Variants in OPCML observed in about 807,000 individuals in gnomAD.
OPCML encodes the protein opioid binding protein/cell adhesion molecule like.
Under a neutral mutation model 37.8 loss-of-function variants are expected in OPCML, and 13 were observed. The observed-to-expected ratio is 0.34, with a 90% CI of 0.22 to 0.55. The LOEUF is 0.55. Ranked by LOEUF, OPCML falls within the 20% of genes least tolerant of loss-of-function variation. OPCML has a pLI of 0.91. For synonymous variants in OPCML, 176 were observed against 168.8 expected (o/e 1.04, Z -0.33); for missense variants, 341 against 435.6 (o/e 0.78, Z 1.93).
intron 2 of OPCML, among the ~76,000 whole-genome samples, chr11:132,864,290 T>C (rs989879479): frequency 2.6e-5 from 4 of 152,176 alleles, no homozygotes; most frequent in African/African-American, 9.7e-5. Flanking sequence ...TTTGTGTACC[T>C]GTTCTCCAAT....
At chr11:132,726,504 C>A (rs988153167) in intron 2 of OPCML, among the ~76,000 whole-genome samples, 1 of 93,910 alleles carries the variant, frequency 1.1e-5, no homozygotes, top group African/African-American at 3.9e-5. Flanking sequence ...CAAACCATAT[C>A]AACATTTTTT....
At chr11:133,080,317 C>T (rs1487713046) in intron 1 of OPCML, among the ~76,000 whole-genome samples, 1 of 152,112 alleles carries the variant, frequency 6.6e-6, no homozygotes, top group Non-Finnish European at 1.5e-5. Context: ...ATGCCTGGAA[C>T]TTTTGATTTT....
intron 4 of OPCML, among the ~76,000 whole-genome samples, chr11:132,514,873 G>A (rs750079812): frequency 6.6e-6 from 1 of 152,074 alleles, no homozygotes; most frequent in Non-Finnish European, 1.5e-5. Flanking sequence ...TACAAAAGTG[G>A]CTCAGATCTT....
In OPCML at chr11:133,518,618, T is replaced by A. The variant is rs113813569; in HGVS notation, c.61+13646A>T. Among the ~76,000 whole-genome samples the A allele has an allele frequency of 1.0e-4, 15 of 147,540 alleles. 1 individual carries two copies. Among genetic ancestry groups the A allele is most frequent in the Non-Finnish European group, 1.9e-4 (13 of 66,982 alleles). On this transcript the variant is annotated intron_variant, in intron 1 of 7. Coordinates refer to ENST00000524381, the MANE Select transcript of OPCML (RefSeq NM_001012393.5). ...TGCTGGTGTGTGTGGGGCTGTGGCG[T>A]GGGCAGTGGCAGGTGCTGGTGTGTG...
intron 3 of OPCML, among the ~76,000 whole-genome samples, chr11:132,603,034 A>G (rs1565701898): frequency 6.6e-6 from 1 of 152,038 alleles, no homozygotes; most frequent in African/African-American, 2.4e-5. Flanking sequence ...CGTTTTCCTC[A>G]TTTCTACAAA....
chr11:133,013,052 C>G (rs1421750311), intron 1 of OPCML, among the ~76,000 whole-genome samples: 3 of 152,120 alleles, frequency 2.0e-5, no homozygotes, highest in East Asian at 3.9e-4. Context: ...CCCCCTCATT[C>G]TGCAACAAGA....
chr11:132,689,392 T>C (rs766584987), intron 2 of OPCML, among the ~76,000 whole-genome samples: 1 of 152,176 alleles, frequency 6.6e-6, no homozygotes, highest in African/African-American at 2.4e-5. Flanking sequence ...GGTTTTGTTC[T>C]GAGGAATAGG....
chr11:132,960,753 A>G (rs1427330391), intron 1 of OPCML, among the ~76,000 whole-genome samples: 2 of 152,098 alleles, frequency 1.3e-5, no homozygotes, highest in African/African-American at 4.8e-5. Flanking sequence ...CCCTTTGGCA[A>G]TGTGCGCATT....
At chr11:133,378,930 T>C (rs544863623) in intron 1 of OPCML, among the ~76,000 whole-genome samples, 1 of 152,052 alleles carries the variant, frequency 6.6e-6, no homozygotes, top group South Asian at 2.1e-4. Flanking sequence ...ATTTTTATTT[T>C]ATTTTTGTAG....
At position 132,525,314 on chromosome 11, in the gene OPCML, T is replaced by C. The variant is rs140807944; in HGVS notation, c.505+3747A>G. 8.5e-3 allele frequency among the ~76,000 whole-genome samples: 1,294 copies of C among 152,344 alleles called. 9 individuals carry two copies. Among genetic ancestry groups the C allele is most frequent in the Non-Finnish European group, 0.013 (878 of 68,032 alleles). On this transcript the variant is annotated intron_variant, in intron 4 of 7. Coordinates refer to ENST00000524381, the MANE Select transcript of OPCML (RefSeq NM_001012393.5). ...TTGCCATCTTAAACTGTAAGTGTGATTGTTACTATTTTTAATTTTTAATAA... is the reference window on the plus strand; with the variant it reads ...TTGCCATCTTAAACTGTAAGTGTGACTGTTACTATTTTTAATTTTTAATAA...
chr11:133,496,148 G>A (rs1321929990), intron 1 of OPCML, among the ~76,000 whole-genome samples: 17 of 152,068 alleles, frequency 1.1e-4, no homozygotes, highest in Non-Finnish European at 1.5e-5. Context: ...CATCATTTGT[G>A]GAAAAGGGTG....
At chr11:133,246,073 C>G (rs1940912336) in intron 1 of OPCML, among the ~76,000 whole-genome samples, 1 of 151,928 alleles carries the variant, frequency 6.6e-6, no homozygotes, top group Admixed American at 6.6e-5. Flanking sequence ...ACATGTATAC[C>G]TATGTAAAAA....
Position 132,456,336 on chromosome 11 carries a change from C to T in OPCML, c.506-18977G>A, listed in dbSNP as rs138071851. ...GTCCAAGACCTTGAGAATTAAATAG[C>T]TCATAATTCTAATAAATGTTAGAGG... On this transcript the variant is annotated intron_variant, in intron 4 of 7. Transcript: ENST00000524381. 2.1e-3 allele frequency among the ~76,000 whole-genome samples: 319 copies of T among 152,288 alleles called. 1 individual carries two copies. The highest frequency in any genetic ancestry group is 6.7e-3 in the African/African-American group (277 of 41,550).
intron 2 of OPCML, among the ~76,000 whole-genome samples, chr11:132,734,362 G>A (rs867912959): frequency 6.6e-6 from 1 of 152,168 alleles, no homozygotes; most frequent in South Asian, 2.1e-4. Flanking sequence ...AGGCGTTGCA[G>A]TTTCCACCTT....
intron 1 of OPCML, among the ~76,000 whole-genome samples, chr11:133,098,562 C>T (rs1949038770): frequency 6.6e-6 from 1 of 152,112 alleles, no homozygotes; most frequent in Non-Finnish European, 1.5e-5. Context: ...ATCACATCAA[C>T]AGACTAAAGC....
At chr11:132,461,894 A>G (rs2096103301) in intron 4 of OPCML, among the ~76,000 whole-genome samples, 1 of 152,158 alleles carries the variant, frequency 6.6e-6, no homozygotes, top group East Asian at 1.9e-4. Context: ...CGAGAACAGC[A>G]TGAGGGTAAC....
At chr11:132,850,296 G>T (rs146932055) in intron 2 of OPCML, among the ~76,000 whole-genome samples, 9 of 152,208 alleles carry the variant, frequency 5.9e-5, no homozygotes, top group African/African-American at 1.9e-4. Flanking sequence ...CCAATCAGGC[G>T]CCATGTAACA....
rs1029961753 is a variant in OPCML, at chr11:133,208,565, T to C, written c.62-265555A>G. The stretch of plus-strand genomic sequence containing the variant: ...TTCCAATGCTGGCTATCCACATATG[T>C]GTATTAGTGAAGTTGAAGCAGGAAA... On this transcript the variant is annotated intron_variant, in intron 1 of 7. Coordinates refer to ENST00000524381, the MANE Select transcript of OPCML (RefSeq NM_001012393.5). The surrounding 1 kb of genome is among the most constrained non-coding windows in gnomAD (Gnocchi z 8.9). Among the ~76,000 whole-genome samples the C allele has an allele frequency of 2.0e-5, 3 of 152,188 alleles. No homozygotes were observed. Among genetic ancestry groups the C allele is most frequent in the African/African-American group, 7.2e-5 (3 of 41,440 alleles).
At chr11:133,053,113 C>T (rs1158280505) in intron 1 of OPCML, among the ~76,000 whole-genome samples, 1 of 152,194 alleles carries the variant, frequency 6.6e-6, no homozygotes, top group African/African-American at 2.4e-5. Context: ...TATGACACAT[C>T]TTGGTTGGAC....
Sources: allele counts gnomAD v4.1 joint callset (sites outside exome capture counted in the v4.1 genomes callset), GRCh38; gene constraint gnomAD v4.1.1; non-coding constraint Gnocchi (gnomAD v3.1); transcripts MANE v1.5; gene names NCBI Gene and HGNC (gene_info 2026-07-23, HGNC 2026-07-21).